Variants in FLT1 observed in about 807,000 individuals in gnomAD.
FLT1 encodes fms related receptor tyrosine kinase 1, also known as vascular endothelial growth factor receptor 1.
Under a neutral mutation model 156.3 loss-of-function variants are expected in FLT1, and 49 were observed. The observed-to-expected ratio is 0.31, with a 90% confidence interval of 0.25 to 0.40. FLT1 has a LOEUF of 0.40. Among genes scored for constraint, FLT1 ranks in the 10% least tolerant of loss-of-function variants. FLT1 has a pLI of 1.00. For missense variants in FLT1, 1,322 were observed against 1,637.2 expected, an observed-to-expected ratio of 0.81 and a Z score of 3.32; for synonymous variants, 594 against 583.8, an observed-to-expected ratio of 1.02 and a Z score of -0.25.
intron 25 of FLT1, among the ~76,000 whole-genome samples, chr13:28,314,310 T>C (rs890920044): frequency 5.3e-5 from 8 of 152,334 alleles, no homozygotes; most frequent in Admixed American, 5.2e-4. Flanking sequence ...TGCTGTTTGT[T>C]ACTTTTGACT....
At chr13:28,368,231 C>T (rs1593713521) in intron 14 of FLT1, 1 of 290,148 alleles carries the variant, frequency 3.4e-6, no homozygotes, top group East Asian at 7.5e-5. Context: ...CGGCTCCCTG[C>T]AACCTCTGCC....
intron 14 of FLT1, among the ~76,000 whole-genome samples, chr13:28,369,117 A>G (rs1161755482): frequency 6.6e-6 from 1 of 152,244 alleles, no homozygotes; most frequent in Non-Finnish European, 1.5e-5. Context: ...GCAAGATGTC[A>G]GATTGACTTT....
At chr13:28,442,867 T>G (rs1001616922) in intron 3 of FLT1, among the ~76,000 whole-genome samples, 1 of 152,212 alleles carries the variant, frequency 6.6e-6, no homozygotes, top group African/African-American at 2.4e-5. Context: ...ACCATAGATA[T>G]AGAAGAGGTC....
Position 28,430,174 on chromosome 13 carries a change from AAGG to A in FLT1, c.989-10_989-8del, listed in dbSNP as rs1566023136. 3 of 1,585,614 alleles carry A rather than the reference AAGG, an allele frequency of 1.9e-6. No individual in the cohort carries two copies. The highest frequency in any genetic ancestry group is 1.7e-4 in the Middle Eastern group (1 of 5,992). Reference sequence around the variant, plus strand: ...ACAGTGATGAATGCTTTATCTTTGAAAGGAGAAGTGATACATACATTAGAAAAG... The same window carrying A: ...ACAGTGATGAATGCTTTATCTTTGAAAGAAGTGATACATACATTAGAAAAG... On this transcript the variant is annotated splice_region_variant and splice_polypyrimidine_tract_variant and intron_variant, in intron 7 of 29. Coordinates refer to ENST00000282397, the MANE Select transcript of FLT1 (RefSeq NM_002019.4).
At chr13:28,457,937 T>C (rs1042711384) in intron 3 of FLT1, among the ~76,000 whole-genome samples, 10 of 141,786 alleles carry the variant, frequency 7.1e-5, no homozygotes, top group East Asian at 2.0e-4. Context: ...CCTTTTCTTT[T>C]TTTTTTTTTT....
intron 15 of FLT1, among the ~76,000 whole-genome samples, chr13:28,355,052 A>T (rs1872850877): frequency 6.6e-6 from 1 of 152,212 alleles, no homozygotes; most frequent in Non-Finnish European, 1.5e-5. Flanking sequence ...GGAGAAAATA[A>T]AAATAACAGG....
At chr13:28,334,823 T>G (rs1230813167) in intron 17 of FLT1, among the ~76,000 whole-genome samples, 3 of 152,172 alleles carry the variant, frequency 2.0e-5, no homozygotes, top group Non-Finnish European at 4.4e-5. Context: ...TATGCTATAA[T>G]GACTGTTAAT....
intron 18 of FLT1, among the ~76,000 whole-genome samples, chr13:28,332,206 C>T (rs1439272891): frequency 1.3e-5 from 2 of 151,878 alleles, no homozygotes; most frequent in Non-Finnish European, 2.9e-5. Context: ...CCAGCCTGGG[C>T]GACAGAGTAA....
chr13:28,442,839 C>T lies in FLT1; in HGVS notation c.389-4494G>A, dbSNP rs529942842. 2.6e-5 allele frequency among the ~76,000 whole-genome samples: 4 copies of T among 152,256 alleles called. No homozygotes were observed. In the East Asian group the frequency reaches 7.7e-4, roughly 29 times the overall value. The stretch of plus-strand genomic sequence containing the variant: ...TTTGCCTGACATATAATAATACAAA[C>T]ATATTTTGTTTTGTAGGACCATAGA... On this transcript the variant is annotated intron_variant, in intron 3 of 29. Transcript: ENST00000282397.
chr13:28,455,524 G>A (rs189468099), intron 3 of FLT1, among the ~76,000 whole-genome samples: 79 of 152,226 alleles, frequency 5.2e-4, no homozygotes, highest in Admixed American at 3.8e-3. Flanking sequence ...TGTAAAATGC[G>A]AAACTATAAA....
intron 17 of FLT1, among the ~76,000 whole-genome samples, chr13:28,337,285 T>C (rs2138849284): frequency 1.3e-5 from 2 of 152,266 alleles, no homozygotes; most frequent in South Asian, 4.1e-4. Context: ...GGGCTGCTGA[T>C]AGTAACCAAC....
rs142192795 is a variant in FLT1, at chr13:28,466,694, T to C, written c.388+209A>G. On this transcript the variant is annotated intron_variant, in intron 3 of 29. Coordinates refer to ENST00000282397, the MANE Select transcript of FLT1 (RefSeq NM_002019.4). ...GGTGACCTATACAGACCAGTCTCTC[T>C]CTTTGTGGAGCACATAGTGACTAAC... is the stretch of plus-strand genomic sequence containing the variant. The C allele has an allele frequency of 1.6e-4, 106 of 657,144 alleles. No homozygotes were observed. The African/African-American group carries it at 1.7e-3, about 10-fold the overall frequency. The allele number at this position is 657,144 out of a possible 1,614,324, so 40.7% of individuals were successfully genotyped here. A position where few individuals can be genotyped will look rare whatever the true frequency, so the allele number is the denominator to read the frequency against.
intron 15 of FLT1, among the ~76,000 whole-genome samples, chr13:28,349,988 C>A (rs1872690537): frequency 6.6e-6 from 1 of 152,218 alleles, no homozygotes; most frequent in Non-Finnish European, 1.5e-5. Context: ...ACTGTTAGGA[C>A]AGTCTTATGC....
chr13:28,452,825 A>G, intron 3 of FLT1, among the ~76,000 whole-genome samples: 1 of 151,844 alleles, frequency 6.6e-6, no homozygotes. Flanking sequence ...CTTCATGCTC[A>G]CAACCCTATG....
At chr13:28,468,061 AT>A (rs1351827476) in intron 1 of FLT1, among the ~76,000 whole-genome samples, 1 of 152,214 alleles carries the variant, frequency 6.6e-6, no homozygotes, top group Non-Finnish European at 1.5e-5. Flanking sequence ...GGCCTGTCTC[AT>A]CTTTTTTTCT....
At chr13:28,393,711 C>A (rs1300901909) in intron 12 of FLT1, among the ~76,000 whole-genome samples, 1 of 152,124 alleles carries the variant, frequency 6.6e-6, no homozygotes, top group Non-Finnish European at 1.5e-5. Context: ...CTCAGCCTCC[C>A]AAGTAGGTGG....
intron 11 of FLT1, 120 bp from the exon 12 acceptor site, chr13:28,397,188 A>T: frequency 1.4e-6 from 1 of 697,552 alleles, no homozygotes; most frequent in Non-Finnish European, 2.6e-6. Context: ...AGAGTATTGC[A>T]TAGGTGGTGG....
intron 14 of FLT1, among the ~76,000 whole-genome samples, chr13:28,383,110 A>C (rs572166808): frequency 2.0e-5 from 3 of 152,324 alleles, no homozygotes; most frequent in African/African-American, 7.2e-5. Context: ...ACTCTTATTT[A>C]ACCACAGATT....
chr13:28,430,242 GA>G, intron 7 of FLT1, 75 bp from the exon 8 acceptor site: 3 of 1,012,382 alleles, frequency 3.0e-6, no homozygotes, highest in Non-Finnish European at 4.7e-6. Context: ...CTCATTCAGG[GA>G]GGGTGTAATC....
Sources: allele counts gnomAD v4.1 joint callset (sites outside exome capture counted in the v4.1 genomes callset), GRCh38; gene constraint gnomAD v4.1.1; transcripts MANE v1.5; gene names NCBI Gene and HGNC (gene_info 2026-07-23, HGNC 2026-07-21).